Variants in PROM1 observed in about 807,000 individuals in gnomAD.
PROM1 encodes the protein prominin 1, also known as prominin-1.
In PROM1, 105 loss-of-function variants were observed where a neutral mutation model predicts 116.9. The ratio of observed to expected loss-of-function variants is 0.90; its 90% CI spans 0.77 to 1.06. PROM1 has a LOEUF of 1.06. Among genes scored for constraint, PROM1 ranks in the 50% least tolerant of loss-of-function variants. The pLI is 0.00. For missense variants in PROM1, 1,122 were observed against 1,045.2 expected (o/e 1.07, Z -1.01); for synonymous variants, 393 against 387.0 (o/e 1.02, Z -0.18).
intron 3 of PROM1, among the ~76,000 whole-genome samples, chr4:16,036,390 A>G (rs1345642084): frequency 1.3e-5 from 2 of 152,190 alleles, no homozygotes; most frequent in African/African-American, 4.8e-5. Flanking sequence ...CTCTGAGGGA[A>G]CACCATTTGT....
intron 2 of PROM1, among the ~76,000 whole-genome samples, chr4:16,044,510 C>T (rs73798826): frequency 6.6e-6 from 1 of 152,124 alleles, no homozygotes; most frequent in African/African-American, 2.4e-5. Context: ...CCCTCTTTTG[C>T]CTTTGGTGGC....
Position 16,024,321 on chromosome 4 carries a change from T to C in PROM1, c.668A>G (p.Lys223Arg), listed in dbSNP as rs1211415963. 1 of 1,613,714 alleles carries C rather than the reference T, an allele frequency of 6.2e-7. No individual in the cohort carries two copies. The highest frequency in any genetic ancestry group is 8.5e-7 in the Non-Finnish European group (1 of 1,179,758). Residue 223 changes from lysine (K) to arginine (R), a missense_variant, in exon 7 of 28, where the codon AAG (lysine) becomes AGG (arginine). Lys to Arg is a conservative substitution (Grantham distance 26). Coordinates refer to ENST00000447510, the MANE Select transcript of PROM1 (RefSeq NM_006017.3). ...KYILAQYNTT[K>R]DKAFTDLNSI... Reference sequence around the variant, plus strand: ...GTTCAGATCTGTGAACGCCTTGTCCTTGGTAGTGTTGTACTGGGCCAATAT... The same window carrying C: ...GTTCAGATCTGTGAACGCCTTGTCCCTGGTAGTGTTGTACTGGGCCAATAT...
intron 2 of PROM1, among the ~76,000 whole-genome samples, chr4:16,051,975 G>A (rs758365767): frequency 6.6e-5 from 10 of 152,050 alleles, no homozygotes; most frequent in African/African-American, 1.9e-4. Flanking sequence ...TATAATGTCC[G>A]AAAACAAAAC....
chr4:16,004,836 C>CTTTCTTTCTTTCTTTCTTTCTTTTT (rs1560460117), intron 13 of PROM1, among the ~76,000 whole-genome samples: 14 of 57,528 alleles, frequency 2.4e-4, no homozygotes, highest in African/African-American at 6.4e-4. Flanking sequence ...TCTTTTTCTT[C>CTTTCTTTCTTTCTTTCTTTCTTTTT]CTTCCTTCCT....
chr4:16,058,583 G>T (rs1177369797), intron 2 of PROM1, among the ~76,000 whole-genome samples: 1 of 151,364 alleles, frequency 6.6e-6, no homozygotes, highest in Non-Finnish European at 1.5e-5. Flanking sequence ...GGAGGCAGAG[G>T]TTGCAGCGAG....
intron 13 of PROM1, among the ~76,000 whole-genome samples, chr4:16,001,530 A>G (rs1056816172): frequency 6.6e-6 from 1 of 152,126 alleles, no homozygotes; most frequent in Non-Finnish European, 1.5e-5. Context: ...GACCAAGATG[A>G]TGAGGCAGAG....
chr4:16,009,055 G>T lies in PROM1; in HGVS notation c.1195C>A (p.Arg399Ser), dbSNP rs770268627. 1 of 1,609,704 alleles carries T rather than the reference G, an allele frequency of 6.2e-7. No individual in the cohort carries two copies. Among genetic ancestry groups the T allele is most frequent in the East Asian group, 2.2e-5 (1 of 44,854 alleles). Residue 399 changes from arginine (R) to serine (S), a missense_variant, in exon 12 of 28, where the codon CGT (arginine) becomes AGT (serine). Physicochemically the swap from Arg to Ser is moderately radical, Grantham distance 110 (BLOSUM62 -1). Transcript: ENST00000447510. ...GAGAGTATATCCTGAATAGGAAGAC[G>T]CTGAGTTACATTGTCGATATCTGAA... ...IGSDIDNVTQRLPIQDILSAF... is the reference protein window; with the variant it reads ...IGSDIDNVTQSLPIQDILSAF...
rs200710798 is a variant in PROM1, at chr4:16,008,971, A to T, written c.1279T>A (p.Leu427Met). The T allele has an allele frequency of 6.3e-7, 1 of 1,591,910 alleles. No homozygotes were observed. Residue 427 changes from leucine to methionine, a missense_variant, in exon 12 of 28, where the codon TTG (leucine) becomes ATG (methionine). Physicochemically the swap from Leu to Met is conservative, Grantham distance 15. Coordinates refer to ENST00000447510, the MANE Select transcript of PROM1 (RefSeq NM_006017.3). ...CACCAGTATGAATCATACTCTTCCA[A>T]TGTAGGTAAATTTCTGTGGATGTAA... is the stretch of plus-strand genomic sequence containing the variant. ...ESYIHRNLPT[L>M]EEYDSYWWLG...
rs373680665 is a variant in PROM1 at position 15,989,825 on chromosome 4, C to A, written c.1984-1G>T. The A allele has an allele frequency of 5.6e-6, 9 of 1,593,398 alleles. No homozygotes were observed. Among genetic ancestry groups the A allele is most frequent in the Admixed American group, 5.2e-5 (3 of 57,654 alleles). On this transcript the variant is annotated splice_acceptor_variant, in intron 18 of 27. Coordinates refer to ENST00000447510, the MANE Select transcript of PROM1 (RefSeq NM_006017.3). LOFTEE classifies it high-confidence loss of function. ...GGGAGTTCCTCAAATTTCCTGGGGG[C>A]TACAAAAAGAATAAAAAACAAAGAT...
chr4:16,005,260 G>A (rs1219781319), intron 13 of PROM1, among the ~76,000 whole-genome samples: 1 of 152,142 alleles, frequency 6.6e-6, no homozygotes, highest in African/African-American at 2.4e-5. Flanking sequence ...ATCGTGCCCA[G>A]ACAAATATAA....
intron 2 of PROM1, among the ~76,000 whole-genome samples, chr4:16,072,362 G>A (rs960292974): frequency 6.6e-6 from 1 of 152,164 alleles, no homozygotes; most frequent in African/African-American, 2.4e-5. Context: ...GGAAGCACAG[G>A]CTCCAGGGCT....
chr4:16,029,484 G>T (rs1732149966), intron 5 of PROM1, among the ~76,000 whole-genome samples: 2 of 152,020 alleles, frequency 1.3e-5, no homozygotes, highest in Admixed American at 6.5e-5. Context: ...TACAGTGAGG[G>T]GTGGAAATTC....
At chr4:15,969,660 C>A (rs1713897731) in intron 27 of PROM1, among the ~76,000 whole-genome samples, 2 of 152,114 alleles carry the variant, frequency 1.3e-5, no homozygotes, top group African/African-American at 4.8e-5. Flanking sequence ...GATCTCAGCT[C>A]ACTGCAACCT....
intron 12 of PROM1, among the ~76,000 whole-genome samples, chr4:16,008,494 T>C (rs760647210): frequency 1.3e-5 from 2 of 152,280 alleles, no homozygotes; most frequent in Admixed American, 6.5e-5. Flanking sequence ...CCAATGTTTA[T>C]ATTGGTTTAT....
At chr4:16,065,121 C>T (rs1335421771) in intron 2 of PROM1, among the ~76,000 whole-genome samples, 1 of 152,144 alleles carries the variant, frequency 6.6e-6, no homozygotes, top group Non-Finnish European at 1.5e-5. Context: ...GTTGCTTTGG[C>T]AGGGTTAGAG....
chr4:16,062,002 C>G (rs1479993673), intron 2 of PROM1, among the ~76,000 whole-genome samples: 1 of 151,122 alleles, frequency 6.6e-6, no homozygotes, highest in Non-Finnish European at 1.5e-5. Flanking sequence ...CACCATTCTC[C>G]TGCCTCAGCC....
At position 16,006,734 on chromosome 4, in the gene PROM1, G is replaced by A. The variant is rs753811417; in HGVS notation, c.1302-44C>T. 8 of 1,590,920 alleles carry A rather than the reference G, an allele frequency of 5.0e-6. No homozygotes were observed. In the East Asian group the frequency reaches 1.4e-4, roughly 27 times the overall value. On this transcript the variant is annotated intron_variant, in intron 12 of 27. Coordinates refer to ENST00000447510, the MANE Select transcript of PROM1 (RefSeq NM_006017.3). ...TGTTAGTATACATGACACAGGTGACGCCACCCTAACACAAAAGCTGCTGGA... is the reference window on the plus strand; with the variant it reads ...TGTTAGTATACATGACACAGGTGACACCACCCTAACACAAAAGCTGCTGGA...
At chr4:16,011,553 C>A (rs77532723) in intron 11 of PROM1, among the ~76,000 whole-genome samples, 2 of 152,278 alleles carry the variant, frequency 1.3e-5, no homozygotes, top group South Asian at 4.2e-4. Context: ...ACTCAATGCA[C>A]GCAGCACAAT....
intron 15 of PROM1, among the ~76,000 whole-genome samples, chr4:15,994,328 A>G (rs1018971586): frequency 1.1e-4 from 16 of 152,242 alleles, no homozygotes; most frequent in African/African-American, 3.9e-4. Flanking sequence ...TCTGTCTCCT[A>G]CATGCTCTAG....
Sources: allele counts gnomAD v4.1 joint callset (sites outside exome capture counted in the v4.1 genomes callset), GRCh38; gene constraint gnomAD v4.1.1; transcripts MANE v1.5; gene names NCBI Gene and HGNC (gene_info 2026-07-23, HGNC 2026-07-21).